The following AP1S3 variants were observed in gnomAD, a reference collection of about 807,000 sequenced individuals.
The protein encoded by AP1S3 is AP-1 complex subunit sigma-3.
A neutral mutation model predicts 20.9 loss-of-function variants in AP1S3; 10 were observed. That is an observed-to-expected ratio of 0.48 (90% CI 0.29 to 0.81). The LOEUF (loss-of-function observed/expected upper bound fraction) is 0.81, where lower values mean the gene tolerates loss of function less well. AP1S3 is among the 30% of genes least tolerant of loss of function. The pLI is 0.08. For missense variants in AP1S3, 154 were observed against 183.8 expected (o/e 0.84, Z 0.94); for synonymous variants, 41 against 61.5 (o/e 0.67, Z 1.56).
chr2:223,782,559 TATCTC>T (rs570822690), intron 1 of AP1S3, among the ~76,000 whole-genome samples: 285 of 152,316 alleles, frequency 1.9e-3, no homozygotes, highest in African/African-American at 6.5e-3. Context: ...AGGTCAAACT[TATCTC>T]AGGATCAGGT....
chr2:223,770,862 C>T (rs376443620), intron 3 of AP1S3, among the ~76,000 whole-genome samples: 11 of 150,994 alleles, frequency 7.3e-5, no homozygotes, highest in South Asian at 2.1e-4. Context: ...CAAGTAGCTG[C>T]GATTACAGGC....
chr2:223,770,292 G>A (rs770201121), intron 3 of AP1S3: 29 of 1,550,428 alleles, frequency 1.9e-5, no homozygotes, highest in Non-Finnish European at 2.4e-5. Flanking sequence ...AAGACAGACA[G>A]GAGCCTCATT....
intron 1 of AP1S3, among the ~76,000 whole-genome samples, chr2:223,783,394 A>T (rs80015113): frequency 6.6e-6 from 1 of 152,184 alleles, no homozygotes; most frequent in Non-Finnish European, 1.5e-5. Flanking sequence ...ACCCAAAGAC[A>T]TCAGGTGATT....
At chr2:223,786,740 A>C (rs1661303367) in intron 1 of AP1S3, among the ~76,000 whole-genome samples, 1 of 152,092 alleles carries the variant, frequency 6.6e-6, no homozygotes, top group Non-Finnish European at 1.5e-5. Flanking sequence ...CATAATCTCT[A>C]AAAAAGATAC....
intron 4 of AP1S3, among the ~76,000 whole-genome samples, chr2:223,760,866 A>C (rs1166588608): frequency 6.6e-6 from 1 of 152,200 alleles, no homozygotes; most frequent in East Asian, 1.9e-4. Context: ...TGCAGTTAAA[A>C]TATCTTATTT....
At chr2:223,834,746 C>T (rs1692357363) in intron 1 of AP1S3, among the ~76,000 whole-genome samples, 1 of 151,670 alleles carries the variant, frequency 6.6e-6, no homozygotes, top group South Asian at 2.1e-4. Context: ...ACACAGAGAC[C>T]CTGTCTCAAA....
At chr2:223,811,401 C>T (rs1416723250) in intron 1 of AP1S3, among the ~76,000 whole-genome samples, 1 of 151,936 alleles carries the variant, frequency 6.6e-6, no homozygotes, top group African/African-American at 2.4e-5. Flanking sequence ...AACCCCTTCT[C>T]TACTAAAAAT....
chr2:223,826,469 C>T (rs150065871), intron 1 of AP1S3, among the ~76,000 whole-genome samples: 1 of 152,082 alleles, frequency 6.6e-6, no homozygotes, highest in Non-Finnish European at 1.5e-5. Flanking sequence ...GGTGTGCGCC[C>T]GTAATCCCAG....
In AP1S3 at chr2:223,758,451, TG is replaced by T; in HGVS notation, c.*263del. The T allele has an allele frequency of 8.6e-7, 1 of 1,163,852 alleles. No individual in the cohort carries two copies. Among genetic ancestry groups the T allele is most frequent in the Non-Finnish European group, 1.1e-6 (1 of 945,678 alleles). The allele number at this position is 1,163,852 out of a possible 1,614,324, so 72.1% of individuals were successfully genotyped here. ...GAGTTAATACATTACAAATATTGTCTGTTGGGTTAGGTGGTAGTTACTTTAA... is the reference window on the plus strand; with the variant it reads ...GAGTTAATACATTACAAATATTGTCTTTGGGTTAGGTGGTAGTTACTTTAA... On this transcript the variant is annotated 3_prime_UTR_variant, in exon 5 of 5. Transcript: ENST00000396654.
chr2:223,806,277 ATTTTTTT>A (rs144953846), intron 1 of AP1S3, among the ~76,000 whole-genome samples: 95 of 111,050 alleles, frequency 8.6e-4, no homozygotes, highest in African/African-American at 3.2e-3. Context: ...AAACAAAGGA[ATTTTTTT>A]TTTTTTTTTT....
intron 1 of AP1S3, among the ~76,000 whole-genome samples, chr2:223,802,585 G>A (rs1691495464): frequency 6.6e-6 from 1 of 152,132 alleles, no homozygotes; most frequent in African/African-American, 2.4e-5. Flanking sequence ...GATTACAGGT[G>A]TGAGCCACCA....
At chr2:223,770,589 T>C (rs781532586) in intron 3 of AP1S3, among the ~76,000 whole-genome samples, 14 of 151,740 alleles carry the variant, frequency 9.2e-5, no homozygotes, top group Non-Finnish European at 1.9e-4. Flanking sequence ...GCAAGTTCCA[T>C]AGGCATTACA....
In AP1S3 at chr2:223,800,862, G is replaced by T. The variant is rs57608940; in HGVS notation, c.4-22993C>A. Among the ~76,000 whole-genome samples the T allele has an allele frequency of 8.9e-3, 1,356 of 152,240 alleles. 19 individuals are homozygous for T. Among genetic ancestry groups the T allele is most frequent in the African/African-American group, 0.031 (1,285 of 41,550 alleles). ...AATAGGACAAGAAAGGGAAATAAAA[G>T]TATACAAATAGGGAAGAAAGAAAAC... is the stretch of plus-strand genomic sequence containing the variant. On this transcript the variant is annotated intron_variant, in intron 1 of 4. Transcript: ENST00000396654.
At chr2:223,781,595 T>C (rs1019384853) in intron 1 of AP1S3, among the ~76,000 whole-genome samples, 1 of 151,930 alleles carries the variant, frequency 6.6e-6, no homozygotes, top group Admixed American at 6.6e-5. Flanking sequence ...TAAATAATAA[T>C]AATAATAATC....
chr2:223,763,381 G>C (rs1690405549), intron 4 of AP1S3, among the ~76,000 whole-genome samples: 1 of 152,096 alleles, frequency 6.6e-6, no homozygotes, highest in Non-Finnish European at 1.5e-5. Context: ...TAACCCAGGT[G>C]TGTCTTGGCC....
intron 4 of AP1S3, among the ~76,000 whole-genome samples, chr2:223,763,348 C>A (rs1690405248): frequency 6.6e-6 from 1 of 152,178 alleles, no homozygotes; most frequent in Admixed American, 6.5e-5. Context: ...TAAAACATTT[C>A]CTAATTTGAG....
At position 223,755,751 on chromosome 2, in the gene AP1S3, G is replaced by A. The variant is rs1045652774; in HGVS notation, c.*2964C>T. ...TCACCATGTTGGCCAGGCTGGTCTC[G>A]AACTCCTGACCTCAGGTGATCTGCC... On this transcript the variant is annotated 3_prime_UTR_variant, in exon 5 of 5. Transcript: ENST00000396654. 9 of 769,954 alleles carry A rather than the reference G, an allele frequency of 1.2e-5. No individual in the cohort carries two copies. The East Asian group carries it at 6.4e-4, about 55-fold the overall frequency. The allele number at this position is 769,954 out of a possible 1,614,324, so 47.7% of individuals were successfully genotyped here.
At chr2:223,778,301 T>C (rs937562946) in intron 1 of AP1S3, among the ~76,000 whole-genome samples, 2 of 152,034 alleles carry the variant, frequency 1.3e-5, no homozygotes, top group Non-Finnish European at 2.9e-5. Flanking sequence ...AATTCTTTTA[T>C]TTTTAGTAGA....
At chr2:223,789,368 A>AC (rs778042569) in intron 1 of AP1S3, among the ~76,000 whole-genome samples, 106 of 150,768 alleles carry the variant, frequency 7.0e-4, no homozygotes, top group African/African-American at 1.3e-3. Flanking sequence ...AATAAACTGG[A>AC]CCCCCCCCAA....
Sources: allele counts gnomAD v4.1 joint callset (sites outside exome capture counted in the v4.1 genomes callset), GRCh38; gene constraint gnomAD v4.1.1; transcripts MANE v1.5; gene names NCBI Gene and HGNC (gene_info 2026-07-23, HGNC 2026-07-21).